Variants in CSRNP3 observed in about 807,000 individuals in gnomAD.
CSRNP3 encodes cysteine/serine-rich nuclear protein 3.
In CSRNP3, 12 loss-of-function variants were observed where a neutral mutation model predicts 48.0. The ratio of observed to expected loss-of-function variants is 0.25; its 90% CI spans 0.16 to 0.41. The LOEUF is 0.41. Ranked by LOEUF, CSRNP3 falls within the 10% of genes least tolerant of loss-of-function variation. The pLI, the probability that CSRNP3 is intolerant of heterozygous loss-of-function variation, is 1.00. For synonymous variants in CSRNP3, 263 were observed against 269.7 expected, an observed-to-expected ratio of 0.98 and a Z score of 0.24; for missense variants, 580 against 724.4, an observed-to-expected ratio of 0.80 and a Z score of 2.29.
rs550132043 is a variant in CSRNP3 at position 165,635,170 on chromosome 2, C to T, written c.149-22591C>T. ...GATGAGTGGGAGAGCTGCCAAAGTG[C>T]GCAGCCAGGCTGGGCCCCTGGGGTG... On this transcript the variant is annotated intron_variant, in intron 4 of 6. Coordinates refer to ENST00000651982, the MANE Select transcript of CSRNP3 (RefSeq NM_001172173.2). 5.9e-5 allele frequency among the ~76,000 whole-genome samples: 9 copies of T among 152,328 alleles called. No individual in the cohort carries two copies. The South Asian group carries it at 1.0e-3, about 18-fold the overall frequency.
intron 3 of CSRNP3, among the ~76,000 whole-genome samples, chr2:165,578,905 G>A (rs111502545): frequency 1.3e-5 from 2 of 152,072 alleles, no homozygotes; most frequent in Non-Finnish European, 2.9e-5. Flanking sequence ...AAGCCATGTA[G>A]CCTTGACATG....
At chr2:165,481,586 C>T (rs967260313) in intron 1 of CSRNP3, among the ~76,000 whole-genome samples, 1 of 152,184 alleles carries the variant, frequency 6.6e-6, no homozygotes, top group East Asian at 1.9e-4. Context: ...AAAGTAGAAA[C>T]GGTGTGGTGT....
At chr2:165,612,935 T>G (rs1686164130) in intron 4 of CSRNP3, among the ~76,000 whole-genome samples, 1 of 152,084 alleles carries the variant, frequency 6.6e-6, no homozygotes, top group African/African-American at 2.4e-5. Context: ...TAAATATCCA[T>G]TAGTGGGATT....
chr2:165,545,740 A>T (rs547057760), intron 3 of CSRNP3, among the ~76,000 whole-genome samples: 1 of 152,266 alleles, frequency 6.6e-6, no homozygotes, highest in African/African-American at 2.4e-5. Context: ...TGGTGATGGG[A>T]ATATTTTATT....
intron 1 of CSRNP3, among the ~76,000 whole-genome samples, chr2:165,473,627 T>C (rs758620384): frequency 1.3e-5 from 2 of 152,036 alleles, no homozygotes; most frequent in Non-Finnish European, 2.9e-5. Context: ...TAAAAGGGGG[T>C]TGGTTCAAAG....
intron 4 of CSRNP3, among the ~76,000 whole-genome samples, chr2:165,649,171 A>G (rs897314723): frequency 2.0e-5 from 3 of 152,214 alleles, no homozygotes; most frequent in Non-Finnish European, 4.4e-5. Context: ...TGTTGTTTAA[A>G]TGCATACACA....
chr2:165,627,684 C>T (rs904727506), intron 4 of CSRNP3, among the ~76,000 whole-genome samples: 1 of 152,150 alleles, frequency 6.6e-6, no homozygotes, highest in Non-Finnish European at 1.5e-5. Context: ...ACTCTCTGTC[C>T]ACTGAATCAC....
chr2:165,541,261 C>T (rs866213683), intron 3 of CSRNP3, among the ~76,000 whole-genome samples: 6 of 150,916 alleles, frequency 4.0e-5, no homozygotes, highest in African/African-American at 7.3e-5. Context: ...CTTCCAGGTT[C>T]TTTTTTAATT....
intron 3 of CSRNP3, 30 bp from the exon 4 acceptor site, chr2:165,595,013 A>G (rs1574854879): frequency 6.3e-7 from 1 of 1,594,836 alleles, no homozygotes; most frequent in Non-Finnish European, 8.6e-7. Context: ...CAAATATTTC[A>G]ATGCTCTGTT....
chr2:165,530,740 A>AT (rs879891067), intron 3 of CSRNP3, among the ~76,000 whole-genome samples: 23 of 151,972 alleles, frequency 1.5e-4, no homozygotes, highest in Non-Finnish European at 2.9e-4. Flanking sequence ...GTTTCTTTAG[A>AT]TTTTTAACAT....
chr2:165,551,635 G>A (rs1296597335), intron 3 of CSRNP3, among the ~76,000 whole-genome samples: 1 of 152,188 alleles, frequency 6.6e-6, no homozygotes, highest in Non-Finnish European at 1.5e-5. Context: ...GAACAAAGTT[G>A]TATTCCCAGA....
chr2:165,532,327 C>T (rs1306799363), intron 3 of CSRNP3, among the ~76,000 whole-genome samples: 3 of 152,076 alleles, frequency 2.0e-5, no homozygotes, highest in Middle Eastern at 3.4e-3. Context: ...ACTGGCAAAC[C>T]GAATCCAGCA....
At chr2:165,606,819 C>T (rs746412494) in intron 4 of CSRNP3, among the ~76,000 whole-genome samples, 7 of 151,976 alleles carry the variant, frequency 4.6e-5, no homozygotes, top group Non-Finnish European at 8.8e-5. Flanking sequence ...GTAATTAAAA[C>T]ACACACGCAC....
chr2:165,683,346 T>A lies in CSRNP3; in HGVS notation c.*3593T>A, dbSNP rs928852878. The A allele has an allele frequency of 6.6e-6, 1 of 152,052 alleles. No individual in the cohort carries two copies. The highest frequency in any genetic ancestry group is 1.5e-5 in the Non-Finnish European group (1 of 67,974). 9.4% of individuals were successfully genotyped at this position (152,052 alleles called of 1,614,324 possible). A position where few individuals can be genotyped will look rare whatever the true frequency, so the allele number is the denominator to read the frequency against. ...TTCACAATCATATATGGCCCTGCAATACTCCCTGAATTCCTTCCCTCCAAA... is the reference window on the plus strand; with the variant it reads ...TTCACAATCATATATGGCCCTGCAAAACTCCCTGAATTCCTTCCCTCCAAA... On this transcript the variant is annotated 3_prime_UTR_variant, in exon 7 of 7. Coordinates refer to ENST00000651982, the MANE Select transcript of CSRNP3 (RefSeq NM_001172173.2).
intron 3 of CSRNP3, among the ~76,000 whole-genome samples, chr2:165,581,542 C>T (rs950201687): frequency 2.0e-5 from 3 of 149,764 alleles, no homozygotes; most frequent in Non-Finnish European, 4.4e-5. Context: ...CCCTCCCACC[C>T]CCACCTTTTT....
At chr2:165,566,470 C>T (rs944343285) in intron 3 of CSRNP3, among the ~76,000 whole-genome samples, 1 of 151,510 alleles carries the variant, frequency 6.6e-6, no homozygotes, top group African/African-American at 2.4e-5. Flanking sequence ...CAGTCTCTAT[C>T]TCGTGATGCC....
At chr2:165,524,536 T>A (rs1684708003) in intron 3 of CSRNP3, among the ~76,000 whole-genome samples, 1 of 152,102 alleles carries the variant, frequency 6.6e-6, no homozygotes, top group Non-Finnish European at 1.5e-5. Context: ...TTGTACAGAG[T>A]CATGTAACTT....
intron 3 of CSRNP3, among the ~76,000 whole-genome samples, chr2:165,565,789 A>G (rs940441838): frequency 3.9e-5 from 6 of 152,046 alleles, no homozygotes; most frequent in African/African-American, 1.2e-4. Context: ...AATAGAAAGC[A>G]TGGAGGTGGA....
intron 3 of CSRNP3, among the ~76,000 whole-genome samples, chr2:165,581,670 G>A (rs1044564717): frequency 2.0e-5 from 3 of 151,884 alleles, no homozygotes; most frequent in Admixed American, 6.6e-5. Context: ...CCGAGTAGCT[G>A]GGATTACAAG....
Sources: gnomAD v4.1 joint callset for allele counts (sites outside exome capture counted in the v4.1 genomes callset) on GRCh38, gnomAD v4.1.1 for gene constraint, MANE v1.5 for transcripts, NCBI Gene and HGNC (gene_info 2026-07-23, HGNC 2026-07-21) for gene names.